Variants in TMEM126B observed in about 807,000 individuals in gnomAD.
The protein encoded by TMEM126B is transmembrane protein 126B.
In TMEM126B, 19 loss-of-function variants were observed where a neutral mutation model predicts 16.5. That is an observed-to-expected ratio of 1.15 (90% CI 0.80 to 1.69). The LOEUF is 1.69. Among genes scored for constraint, TMEM126B ranks in the 40% most tolerant of loss-of-function variants. The probability of loss-of-function intolerance (pLI) is 0.00; values close to 1 mark genes in which losing one functional copy is unlikely to be tolerated. For missense variants in TMEM126B, 293 were observed against 278.7 expected (o/e 1.05, Z -0.37); for synonymous variants, 104 against 93.2 (o/e 1.12, Z -0.67).
chr11:85,635,819 T>TC (rs2082390868), intron 4 of TMEM126B, 41 bp downstream of exon 4: 4 of 1,300,476 alleles, frequency 3.1e-6, no homozygotes, highest in Non-Finnish European at 4.2e-6. Context: ...TTCTTTTCTT[T>TC]TCTTTTTTTT....
rs745630370 is a variant in TMEM126B, at chr11:85,634,262, T to C, written c.380T>C (p.Ile127Thr). 3.1e-6 allele frequency: 5 copies of C among 1,613,146 alleles called. No homozygotes were observed. The highest frequency in any genetic ancestry group is 1.7e-4 in the Middle Eastern group (1 of 6,056). Residue 127 changes from isoleucine (I) to threonine (T), a missense_variant, in exon 3 of 5, where the codon ATT becomes ACT. By Grantham distance (89) the Ile-to-Thr change is moderately conservative. Transcript: ENST00000358867. ...GTTGTTACTGACAAGCTTTTTGTAA[T>C]TGATGCTTTGTATTCAGGTGAATTT... ...STVVTDKLFV[I>T]DALYSDNISK...
chr11:85,628,739 T>C, intron 1 of TMEM126B, 51 bp downstream of exon 1: 1 of 1,491,348 alleles, frequency 6.7e-7, no homozygotes, highest in Admixed American at 2.0e-5. Flanking sequence ...ACCTTCAAAG[T>C]GTTGGCAGAC....
intron 1 of TMEM126B, chr11:85,629,352 T>C (rs1227778969): frequency 6.3e-6 from 5 of 789,866 alleles, no homozygotes; most frequent in Middle Eastern, 7.3e-4. Flanking sequence ...TTGCAAACTA[T>C]AAACCTACAT....
At chr11:85,635,601 A>T in intron 3 of TMEM126B, 66 bp from the exon 4 acceptor site, 1 of 1,040,560 alleles carries the variant, frequency 9.6e-7, no homozygotes, top group Non-Finnish European at 1.5e-6. Context: ...CTACTCTGTG[A>T]GGTACAACAC....
intron 3 of TMEM126B, 132 bp downstream of exon 3, chr11:85,634,411 C>G: frequency 1.5e-6 from 1 of 664,196 alleles, no homozygotes; most frequent in South Asian, 2.2e-5. Flanking sequence ...AGTCCATATA[C>G]CTTGTCATAT....
rs1342591591 is a variant in TMEM126B at position 85,635,853 on chromosome 11, CTCTT to C, written c.509+80_509+83del. On this transcript the variant is annotated intron_variant, in intron 4 of 4. Transcript: ENST00000358867. ...TTTTTTTTTTTTAGGTTAATAAACT[CTCTT>C]TCTTCTTTAGCTGTCTATGATATAT... 63 of 912,788 alleles carry C rather than the reference CTCTT, an allele frequency of 6.9e-5. 1 individual carries two copies. Among genetic ancestry groups the C allele is most frequent in the Admixed American group, 4.9e-4 (14 of 28,578 alleles). The allele number at this position is 912,788 out of a possible 1,614,324, so 56.5% of individuals were successfully genotyped here. A position where few individuals can be genotyped will look rare whatever the true frequency, so the allele number is the denominator to read the frequency against.
chr11:85,632,475 T>C (rs898780957), intron 2 of TMEM126B, among the ~76,000 whole-genome samples: 2 of 152,188 alleles, frequency 1.3e-5, no homozygotes, highest in African/African-American at 4.8e-5. Context: ...GACTTTTAAA[T>C]GAACAAAGTT....
chr11:85,630,720 G>A (rs2082279789), intron 1 of TMEM126B, among the ~76,000 whole-genome samples: 1 of 152,178 alleles, frequency 6.6e-6, no homozygotes. Flanking sequence ...GCAGCTGTCT[G>A]TTCATCACAC....
chr11:85,633,100 A>C (rs530280411), intron 2 of TMEM126B, among the ~76,000 whole-genome samples: 2 of 152,154 alleles, frequency 1.3e-5, no homozygotes, highest in Non-Finnish European at 2.9e-5. Flanking sequence ...ATGATTTCCA[A>C]CTTCATCCAT....
intron 3 of TMEM126B, 80 bp downstream of exon 3, chr11:85,634,359 A>T: frequency 9.9e-7 from 1 of 1,006,142 alleles, no homozygotes; most frequent in Non-Finnish European, 1.5e-6. Context: ...GCTACTGCTA[A>T]TAATAATTCT....
At chr11:85,631,983 G>C (rs1344476527) in intron 2 of TMEM126B, among the ~76,000 whole-genome samples, 175 bp downstream of exon 2, 1 of 152,178 alleles carries the variant, frequency 6.6e-6, no homozygotes, top group African/African-American at 2.4e-5. Flanking sequence ...AAGAACAGAT[G>C]AAAATGGTGG....
chr11:85,636,059 C>A lies in TMEM126B; in HGVS notation c.523C>A (p.Pro175Thr). ...TTTTCTTTTTAGGTATCATACCGTT[C>A]CACTGCCACCAAAAGGAAGGGTTTT... is the stretch of plus-strand genomic sequence containing the variant. ...GRLATKYHTV[P>T]LPPKGRVLIH... Residue 175 changes from proline to threonine, a missense_variant, in exon 5 of 5, where the codon CCA (proline) becomes ACA (threonine). By Grantham distance (38) the Pro-to-Thr change is conservative. Coordinates refer to ENST00000358867, the MANE Select transcript of TMEM126B (RefSeq NM_018480.7). The A allele has an allele frequency of 6.3e-7, 1 of 1,597,602 alleles. No homozygotes were observed. The highest frequency in any genetic ancestry group is 1.1e-5 in the South Asian group (1 of 87,788).
intron 1 of TMEM126B, chr11:85,631,110 TCC>T: frequency 7.8e-7 from 1 of 1,279,502 alleles, no homozygotes; most frequent in Non-Finnish European, 1.0e-6. Context: ...CTCACTATTC[TCC>T]AAGGCAATCC....
At chr11:85,629,023 T>A (rs2082173389) in intron 1 of TMEM126B, 1 of 479,442 alleles carries the variant, frequency 2.1e-6, no homozygotes, top group Non-Finnish European at 4.1e-6. Context: ...TAAATGTCAC[T>A]TCTTCCGGGA....
At chr11:85,631,902 C>T (rs2082307525) in intron 2 of TMEM126B, 94 bp downstream of exon 2, 2 of 1,316,392 alleles carry the variant, frequency 1.5e-6, no homozygotes, top group Non-Finnish European at 2.0e-6. Context: ...CTTACCTTTT[C>T]TGTTATCTAA....
At chr11:85,634,447 T>G in intron 3 of TMEM126B, 168 bp downstream of exon 3, 1 of 550,440 alleles carries the variant, frequency 1.8e-6, no homozygotes, top group Non-Finnish European at 3.1e-6. Flanking sequence ...ATCCTCCTAA[T>G]CAGGTAAACT....
At chr11:85,633,999 T>C in intron 2 of TMEM126B, 87 bp from the exon 3 acceptor site, 1 of 832,034 alleles carries the variant, frequency 1.2e-6, no homozygotes, top group Non-Finnish European at 1.9e-6. Flanking sequence ...ATATTTGATA[T>C]TGATATGCAA....
chr11:85,629,209 G>C (rs567926641), intron 1 of TMEM126B: 1 of 1,289,028 alleles, frequency 7.8e-7, no homozygotes, highest in African/African-American at 1.5e-5. Context: ...CGGAGGTCTG[G>C]CATATACCAC....
intron 2 of TMEM126B, among the ~76,000 whole-genome samples, chr11:85,632,794 A>G (rs1565791911): frequency 6.6e-6 from 1 of 150,602 alleles, no homozygotes; most frequent in Non-Finnish European, 1.5e-5. Flanking sequence ...ATTCCCTTTT[A>G]TTTTTTTTTA....
Sources: gnomAD v4.1 joint callset for allele counts (sites outside exome capture counted in the v4.1 genomes callset) on GRCh38, gnomAD v4.1.1 for gene constraint, MANE v1.5 for transcripts, NCBI Gene and HGNC (gene_info 2026-07-23, HGNC 2026-07-21) for gene names.